Variants in TMEM117 observed in about 807,000 individuals in gnomAD.
TMEM117 encodes transmembrane protein 117.
A neutral mutation model predicts 52.4 loss-of-function variants in TMEM117; 27 were observed. The ratio of observed to expected loss-of-function variants is 0.51; its 90% CI spans 0.38 to 0.71. TMEM117 has a LOEUF of 0.71. Among genes scored for constraint, TMEM117 ranks in the 30% least tolerant of loss-of-function variants. The probability of loss-of-function intolerance (pLI) is 0.00; values close to 1 mark genes in which losing one functional copy is unlikely to be tolerated. For synonymous variants in TMEM117, 215 were observed against 206.3 expected (o/e 1.04, Z -0.36); for missense variants, 556 against 630.5 (o/e 0.88, Z 1.26).
At chr12:44,040,292 C>T (rs1451433305) in intron 3 of TMEM117, among the ~76,000 whole-genome samples, 1 of 151,848 alleles carries the variant, frequency 6.6e-6, no homozygotes, top group African/African-American at 2.4e-5. Flanking sequence ...AAATTATGAT[C>T]ATATTTAACA....
At chr12:43,892,939 A>T (rs1055500235) in intron 2 of TMEM117, among the ~76,000 whole-genome samples, 1 of 152,214 alleles carries the variant, frequency 6.6e-6, no homozygotes, top group Non-Finnish European at 1.5e-5. Context: ...AGATTTTATC[A>T]TAGACTTAAG....
At chr12:44,222,888 C>A (rs1439388385) in intron 5 of TMEM117, among the ~76,000 whole-genome samples, 1 of 152,136 alleles carries the variant, frequency 6.6e-6, no homozygotes. Context: ...CAATATAAAT[C>A]TTTCCAGAAT....
the TMEM117 span, among the ~76,000 whole-genome samples, chr12:44,396,477 G>A: frequency 6.6e-6 from 1 of 152,064 alleles, no homozygotes; most frequent in Admixed American, 6.5e-5. Context: ...GTGTGGGGGG[G>A]AGGAATTAAT....
chr12:44,321,525 A>G (rs1592691911), intron 6 of TMEM117, among the ~76,000 whole-genome samples: 1 of 152,320 alleles, frequency 6.6e-6, no homozygotes, highest in East Asian at 1.9e-4. Context: ...AAGAAGGAAA[A>G]GAGGTAAAAA....
chr12:43,965,224 G>T (rs879907385), intron 3 of TMEM117, among the ~76,000 whole-genome samples: 7 of 152,216 alleles, frequency 4.6e-5, no homozygotes, highest in Admixed American at 3.9e-4. Context: ...AGGTCATAAA[G>T]GGACGAATTT....
intron 2 of TMEM117, among the ~76,000 whole-genome samples, chr12:43,927,017 T>C (rs73284256): frequency 0.015 from 2,267 of 152,168 alleles, 68 homozygotes; most frequent in African/African-American, 0.051. Context: ...ATATAGCTTA[T>C]AGATATTCAG....
intron 5 of TMEM117, among the ~76,000 whole-genome samples, chr12:44,277,315 T>C (rs1950526297): frequency 6.6e-6 from 1 of 152,164 alleles, no homozygotes; most frequent in African/African-American, 2.4e-5. Flanking sequence ...AGGAAATGTT[T>C]CCAATGAACA....
chr12:43,881,790 CAAAAAAAAAAA>C (rs58734580), intron 2 of TMEM117, among the ~76,000 whole-genome samples: 2 of 42,024 alleles, frequency 4.8e-5, no homozygotes, highest in African/African-American at 2.2e-4. Context: ...ACTCTTGTCT[CAAAAAAAAAAA>C]AAAAAAAAAA....
At chr12:44,077,797 C>A (rs1021794198) in intron 3 of TMEM117, among the ~76,000 whole-genome samples, 13 of 151,982 alleles carry the variant, frequency 8.6e-5, no homozygotes, top group Non-Finnish European at 1.9e-4. Context: ...TCAAACCAAA[C>A]AGGATTCCAA....
intron 2 of TMEM117, among the ~76,000 whole-genome samples, chr12:43,862,625 A>G (rs1943509871): frequency 6.6e-6 from 1 of 152,246 alleles, no homozygotes; most frequent in East Asian, 1.9e-4. Flanking sequence ...AGCTAGTGAT[A>G]TAGTCTATAA....
intron 5 of TMEM117, among the ~76,000 whole-genome samples, chr12:44,241,184 T>C (rs911634625): frequency 6.6e-6 from 1 of 151,994 alleles, no homozygotes; most frequent in African/African-American, 2.4e-5. Flanking sequence ...TTATACTTTA[T>C]TGGTTTTTTA....
At chr12:44,316,141 T>G (rs2138685349) in intron 6 of TMEM117, among the ~76,000 whole-genome samples, 1 of 152,326 alleles carries the variant, frequency 6.6e-6, no homozygotes, top group South Asian at 2.1e-4. Flanking sequence ...GTAGTTCCTG[T>G]TATATAATTG....
At chr12:44,365,835 C>T (rs892686790) in intron 6 of TMEM117, among the ~76,000 whole-genome samples, 1 of 151,646 alleles carries the variant, frequency 6.6e-6, no homozygotes, top group Non-Finnish European at 1.5e-5. Flanking sequence ...ATACATGTGC[C>T]ATGTTGGTGT....
intron 3 of TMEM117, among the ~76,000 whole-genome samples, chr12:44,083,943 G>C (rs1947525707): frequency 6.6e-6 from 1 of 151,768 alleles, no homozygotes; most frequent in Non-Finnish European, 1.5e-5. Flanking sequence ...ATTAAATTCA[G>C]TTTCCTAAAA....
At chr12:44,323,296 G>T (rs1420083490) in intron 6 of TMEM117, among the ~76,000 whole-genome samples, 1 of 152,050 alleles carries the variant, frequency 6.6e-6, no homozygotes, top group Non-Finnish European at 1.5e-5. Context: ...GTGGTACTTT[G>T]TTACAGCAGG....
At chr12:44,344,603 TTATTTGGGAATCTGGGTGGAGATAC>T (rs1475920060) in intron 6 of TMEM117, among the ~76,000 whole-genome samples, 1 of 151,984 alleles carries the variant, frequency 6.6e-6, no homozygotes, top group Non-Finnish European at 1.5e-5. Flanking sequence ...GGTCTAGATA[TTATTTGGGAATCTGGGTGGAGATAC>T]TATTTGGGAA....
At chr12:44,377,683 G>A (rs1036087015) in intron 7 of TMEM117, among the ~76,000 whole-genome samples, 1 of 152,172 alleles carries the variant, frequency 6.6e-6, no homozygotes, top group Admixed American at 6.5e-5. Flanking sequence ...CAGGTAATGA[G>A]TGTGTGTCTG....
At chr12:44,203,292 G>A (rs1399265737) in intron 4 of TMEM117, among the ~76,000 whole-genome samples, 2 of 152,054 alleles carry the variant, frequency 1.3e-5, no homozygotes, top group Admixed American at 6.6e-5. Flanking sequence ...TATTTCTGTG[G>A]GGTCAGTGAT....
rs79007657 is a variant in TMEM117 at position 44,017,326 on chromosome 12, C to CTT, written c.410+73002_410+73003dup. Among the ~76,000 whole-genome samples, 623 of 97,092 alleles carry CTT rather than the reference C, an allele frequency of 6.4e-3. 14 individuals are homozygous for CTT. The highest frequency in any genetic ancestry group is 0.023 in the African/African-American group (561 of 24,132). 63.7% of individuals were successfully genotyped at this position (97,092 alleles called of 152,430 possible). A position where few individuals can be genotyped will look rare whatever the true frequency, so the allele number is the denominator to read the frequency against. On this transcript the variant is annotated intron_variant, in intron 3 of 7. Transcript: ENST00000266534. Reference sequence around the variant, plus strand: ...TCAAGCTTTTCCTTTTCTTTCTTTCCTTTTTTTTTTTTTTTTTTTGGTGAT... The same window carrying CTT: ...TCAAGCTTTTCCTTTTCTTTCTTTCCTTTTTTTTTTTTTTTTTTTTTGGTGAT...
Sources: allele counts gnomAD v4.1 joint callset (sites outside exome capture counted in the v4.1 genomes callset), GRCh38; gene constraint gnomAD v4.1.1; transcripts MANE v1.5; gene names NCBI Gene and HGNC (gene_info 2026-07-23, HGNC 2026-07-21).